Variants in PNKD observed in about 807,000 individuals in gnomAD.
PNKD encodes probable thioesterase PNKD.
A neutral mutation model predicts 45.3 loss-of-function variants in PNKD; 36 were observed. The ratio of observed to expected loss-of-function variants is 0.80; its 90% CI spans 0.61 to 1.05. The LOEUF (loss-of-function observed/expected upper bound fraction) is 1.05. Ranked by LOEUF, PNKD falls within the 50% of genes least tolerant of loss-of-function variation. The pLI is 0.00. For synonymous variants in PNKD, 197 were observed against 210.1 expected (o/e 0.94, Z 0.54); for missense variants, 511 against 506.6 (o/e 1.01, Z -0.08).
chr2:218,310,122 T>C (rs1482128326), intron 2 of PNKD, among the ~76,000 whole-genome samples: 14 of 152,150 alleles, frequency 9.2e-5, no homozygotes, highest in Admixed American at 9.2e-4. Context: ...CAGTCCAAGA[T>C]GGCGTCTGTG....
At chr2:218,312,517 G>A (rs1444921004) in intron 2 of PNKD, among the ~76,000 whole-genome samples, 1 of 151,602 alleles carries the variant, frequency 6.6e-6, no homozygotes. Flanking sequence ...AAAAGGGAGG[G>A]GTGAAGAATG....
At chr2:218,276,922 T>C (rs955983466) in intron 2 of PNKD, 15 of 1,204,224 alleles carry the variant, frequency 1.2e-5, no homozygotes, top group African/African-American at 1.5e-5. Flanking sequence ...CCGGGGACCT[T>C]TGGGGCCTGC....
Position 218,345,109 on chromosome 2 carries a change from A to G in PNKD, c.*128A>G. ...ACCCAAGCGGGCATCATCCCCCCAC[A>G]CTGCTCAGGGGAGGGGAGGGATCAG... On this transcript the variant is annotated 3_prime_UTR_variant, in exon 10 of 10. Coordinates refer to ENST00000273077, the MANE Select transcript of PNKD (RefSeq NM_015488.5). 1 of 705,828 alleles carries G rather than the reference A, an allele frequency of 1.4e-6. No individual in the cohort carries two copies. Among genetic ancestry groups the G allele is most frequent in the South Asian group, 1.8e-5 (1 of 54,506 alleles). The allele number at this position is 705,828 out of a possible 1,614,324, so 43.7% of individuals were successfully genotyped here.
chr2:218,312,576 A>AG (rs1430810158), intron 2 of PNKD, among the ~76,000 whole-genome samples: 2 of 151,318 alleles, frequency 1.3e-5, no homozygotes, highest in South Asian at 2.1e-4. Flanking sequence ...AAAAAAAAAA[A>AG]AAAAAGAAAA....
chr2:218,334,079 C>T (rs1328663330), intron 2 of PNKD, among the ~76,000 whole-genome samples: 1 of 151,232 alleles, frequency 6.6e-6, no homozygotes, highest in African/African-American at 2.4e-5. Context: ...CATGCCACTG[C>T]ACTCCTGCCC....
intron 2 of PNKD, among the ~76,000 whole-genome samples, chr2:218,320,441 GC>G (rs1693955042): frequency 6.6e-6 from 1 of 152,190 alleles, no homozygotes; most frequent in African/African-American, 2.4e-5. Flanking sequence ...TGTGGCTCAT[GC>G]CTGGAGTCCC....
chr2:218,305,283 GAC>G (rs1032971341), intron 2 of PNKD, among the ~76,000 whole-genome samples: 54 of 152,042 alleles, frequency 3.6e-4, no homozygotes, highest in African/African-American at 1.3e-3. Flanking sequence ...ATGAGGGAGA[GAC>G]AAACAAGTGG....
rs779077129 is a variant in PNKD, at chr2:218,333,683, G to T, written c.237-6100G>T. ...GGGGCCAGGCTATGATGGGAGCCCA[G>T]ATCTTTCTGTTGCCAGAGCCTCTGT... On this transcript the variant is annotated intron_variant, in intron 2 of 9. Coordinates refer to ENST00000273077, the MANE Select transcript of PNKD (RefSeq NM_015488.5). Among the ~76,000 whole-genome samples, 7 of 152,182 alleles carry T rather than the reference G, an allele frequency of 4.6e-5. 1 individual carries two copies. Among genetic ancestry groups the T allele is most frequent in the South Asian group, 4.1e-4 (2 of 4,832 alleles).
chr2:218,277,130 A>G lies in PNKD; in HGVS notation c.236+5581A>G, dbSNP rs749705324. On this transcript the variant is annotated intron_variant, in intron 2 of 9. Transcript: ENST00000273077. Reference sequence around the variant, plus strand: ...AGGAAGCAAGAAAGAGGCACCTGTCAGATGGCTGTGACAACCAGCCCAGTC... The same window carrying G: ...AGGAAGCAAGAAAGAGGCACCTGTCGGATGGCTGTGACAACCAGCCCAGTC... The G allele has an allele frequency of 2.5e-6, 4 of 1,596,356 alleles. No homozygotes were observed. In the Admixed American group the frequency reaches 6.7e-5, roughly 27 times the overall value.
Position 218,344,542 on chromosome 2 carries a change from A to G in PNKD, c.956A>G (p.Gln319Arg). 2.5e-6 allele frequency: 4 copies of G among 1,589,504 alleles called. No homozygotes were observed. The highest frequency in any genetic ancestry group is 3.4e-6 in the Non-Finnish European group (4 of 1,167,824). ...CGGGAGAGGAAGATGCAGTGGGTGC[A>G]GCGGCAGCGGCTGGAGCGCAAGGGC... ...LARERKMQWV[Q>R]RQRLERKGTC... The change falls in exon 9 of 10, where the codon CAG becomes CGG. Residue 319 changes from glutamine to arginine, a missense_variant. Coordinates refer to ENST00000273077, the MANE Select transcript of PNKD (RefSeq NM_015488.5).
intron 2 of PNKD, among the ~76,000 whole-genome samples, chr2:218,273,446 GTTTT>G (rs11299679): frequency 4.9e-5 from 6 of 121,674 alleles, no homozygotes; most frequent in Non-Finnish European, 6.9e-5. Context: ...TACTTTTTGT[GTTTT>G]TTTTTTTTTT....
Position 218,345,092 on chromosome 2 carries a change from G to A in PNKD, c.*111G>A, listed in dbSNP as rs946751768. 2.0e-5 allele frequency: 16 copies of A among 819,584 alleles called. No homozygotes were observed. Among genetic ancestry groups the A allele is most frequent in the South Asian group, 3.4e-5 (2 of 58,338 alleles). 50.8% of individuals were successfully genotyped at this position (819,584 alleles called of 1,614,324 possible). A position where few individuals can be genotyped will look rare whatever the true frequency, so the allele number is the denominator to read the frequency against. ...CCACCACCTCCATCGGCACCCAAGC[G>A]GGCATCATCCCCCCACACTGCTCAG... is the stretch of plus-strand genomic sequence containing the variant. On this transcript the variant is annotated 3_prime_UTR_variant, in exon 10 of 10. Coordinates refer to ENST00000273077, the MANE Select transcript of PNKD (RefSeq NM_015488.5).
intron 2 of PNKD, among the ~76,000 whole-genome samples, chr2:218,329,544 C>G (rs1694258920): frequency 6.6e-6 from 1 of 152,206 alleles, no homozygotes; most frequent in Admixed American, 6.5e-5. Context: ...CTCAGCAGCC[C>G]CTCCCCTTCC....
chr2:218,277,565 C>A (rs1052873586), intron 2 of PNKD: 2 of 1,610,160 alleles, frequency 1.2e-6, no homozygotes, highest in African/African-American at 2.7e-5. Flanking sequence ...AGCTGGCTGC[C>A]GGCCCAGGAA....
At chr2:218,312,002 C>G (rs1418658459) in intron 2 of PNKD, among the ~76,000 whole-genome samples, 1 of 152,212 alleles carries the variant, frequency 6.6e-6, no homozygotes, top group African/African-American at 2.4e-5. Flanking sequence ...AGCATACTGC[C>G]TGCAAACATA....
chr2:218,298,011 A>AAG (rs1553664357), intron 2 of PNKD, among the ~76,000 whole-genome samples: 33 of 151,380 alleles, frequency 2.2e-4, no homozygotes, highest in African/African-American at 6.8e-4. Flanking sequence ...AAAAAAAAAA[A>AAG]AGAGAGAGAG....
At chr2:218,293,214 T>TGG (rs1300147920) in intron 2 of PNKD, among the ~76,000 whole-genome samples, 5 of 152,230 alleles carry the variant, frequency 3.3e-5, no homozygotes, top group Non-Finnish European at 5.9e-5. Context: ...TTACTACTGT[T>TGG]AGGTAGGTCT....
intron 2 of PNKD, among the ~76,000 whole-genome samples, chr2:218,312,689 A>T (rs1479170806): frequency 6.6e-6 from 1 of 152,122 alleles, no homozygotes; most frequent in African/African-American, 2.4e-5. Flanking sequence ...CCTTGCCAAC[A>T]TGGTGAAATC....
chr2:218,285,297 G>T (rs1692415223), intron 2 of PNKD, among the ~76,000 whole-genome samples: 1 of 152,198 alleles, frequency 6.6e-6, no homozygotes. Context: ...AGAGTGTGAT[G>T]AAGTCAAAAT....
Sources: gnomAD v4.1 joint callset for allele counts (sites outside exome capture counted in the v4.1 genomes callset) on GRCh38, gnomAD v4.1.1 for gene constraint, MANE v1.5 for transcripts, NCBI Gene and HGNC (gene_info 2026-07-23, HGNC 2026-07-21) for gene names.